The following SPAST variants were observed in gnomAD, a reference collection of about 807,000 sequenced individuals.
SPAST encodes spastic paraplegia 4 (autosomal dominant; spastin).
Under a neutral mutation model 76.6 loss-of-function variants are expected in SPAST, and 30 were observed. The observed-to-expected ratio is 0.39, with a 90% CI of 0.29 to 0.53. SPAST has a LOEUF of 0.53. Among genes scored for constraint, SPAST ranks in the 20% least tolerant of loss-of-function variants. The pLI, the probability that SPAST is intolerant of heterozygous loss-of-function variation, is 0.68. For synonymous variants in SPAST, 305 were observed against 281.0 expected, an observed-to-expected ratio of 1.09 and a Z score of -0.86; for missense variants, 717 against 770.5, an observed-to-expected ratio of 0.93 and a Z score of 0.82.
intron 3 of SPAST, among the ~76,000 whole-genome samples, chr2:32,089,885 T>C (rs1677642875): frequency 6.6e-6 from 1 of 152,036 alleles, no homozygotes; most frequent in Non-Finnish European, 1.5e-5. Context: ...TGCCTCAGCC[T>C]CCTGAGTAGC....
chr2:32,110,912 C>A (rs111206657), intron 4 of SPAST, among the ~76,000 whole-genome samples: 3,740 of 48,422 alleles, frequency 0.077, 61 homozygotes, highest in East Asian at 0.15. Context: ...TATACTATAT[C>A]GTGTGTATAG....
At chr2:32,134,859 C>T (rs945168873) in intron 9 of SPAST, among the ~76,000 whole-genome samples, 11 of 151,802 alleles carry the variant, frequency 7.2e-5, no homozygotes, top group African/African-American at 2.4e-4. Flanking sequence ...CCACGCCCGG[C>T]TAATTTTTGT....
chr2:32,107,354 C>A (rs948637615), intron 4 of SPAST, among the ~76,000 whole-genome samples: 2 of 152,048 alleles, frequency 1.3e-5, no homozygotes, highest in Non-Finnish European at 2.9e-5. Context: ...TGGGTTCAAG[C>A]GATTCTCCCA....
intron 12 of SPAST, among the ~76,000 whole-genome samples, chr2:32,138,745 T>G (rs1193112923): frequency 2.0e-5 from 3 of 152,204 alleles, no homozygotes; most frequent in Non-Finnish European, 4.4e-5. Context: ...GAGGCTGATG[T>G]CAAGAAGTGT....
intron 12 of SPAST, among the ~76,000 whole-genome samples, chr2:32,138,420 AT>A (rs1679613167): frequency 1.3e-5 from 2 of 151,828 alleles, no homozygotes; most frequent in African/African-American, 4.8e-5. Flanking sequence ...TTTGATTTGC[AT>A]TTTTCTGATG....
At chr2:32,106,540 A>T (rs1362811185) in intron 4 of SPAST, among the ~76,000 whole-genome samples, 2 of 152,134 alleles carry the variant, frequency 1.3e-5, no homozygotes, top group Admixed American at 1.3e-4. Flanking sequence ...TGTCGCTCAC[A>T]CTGGGAGCTG....
At chr2:32,065,195 T>G (rs1312719814) in intron 1 of SPAST, among the ~76,000 whole-genome samples, 1 of 152,082 alleles carries the variant, frequency 6.6e-6, no homozygotes, top group East Asian at 1.9e-4. Flanking sequence ...AATTTTTGTA[T>G]TTTTAGTAGA....
At chr2:32,076,075 AT>A (rs962019868) in intron 1 of SPAST, among the ~76,000 whole-genome samples, 4 of 149,058 alleles carry the variant, frequency 2.7e-5, no homozygotes, top group African/African-American at 5.0e-5. Context: ...TAATTTTTGT[AT>A]TTTTAATAGA....
intron 7 of SPAST, among the ~76,000 whole-genome samples, chr2:32,116,979 G>A (rs1678858173): frequency 6.6e-6 from 1 of 150,418 alleles, no homozygotes; most frequent in South Asian, 2.1e-4. Context: ...AAACAAAACA[G>A]GCCGGGTACG....
chr2:32,063,759 G>A lies in SPAST; in HGVS notation c.-73G>A. ...GTCTGTGGCCCCCGCCGTAGCAGTG[G>A]CTGCCGCCGTCGCTTGGTTCCCGTC... On this transcript the variant is annotated 5_prime_UTR_variant, in exon 1 of 17. Transcript: ENST00000315285. 1 of 1,523,044 alleles carries A rather than the reference G, an allele frequency of 6.6e-7. No homozygotes were observed. Among genetic ancestry groups the A allele is most frequent in the Non-Finnish European group, 8.8e-7 (1 of 1,140,480 alleles). 94.3% of individuals were successfully genotyped at this position (1,523,044 alleles called of 1,614,324 possible). A position where few individuals can be genotyped will look rare whatever the true frequency, so the allele number is the denominator to read the frequency against.
In SPAST at chr2:32,116,224, A is replaced by G. The variant is rs771074880; in HGVS notation, c.1098+12A>G. 1.3e-6 allele frequency: 2 copies of G among 1,558,662 alleles called. No homozygotes were observed. The highest frequency in any genetic ancestry group is 8.9e-7 in the Non-Finnish European group (1 of 1,129,852). The stretch of plus-strand genomic sequence containing the variant: ...CTCTGAGGCCTGAGGTAAGAACTTT[A>G]TATTATCATTTTTCTATAATACCAT... On this transcript the variant is annotated intron_variant, in intron 7 of 16. Coordinates refer to ENST00000315285, the MANE Select transcript of SPAST (RefSeq NM_014946.4).
chr2:32,072,433 A>T (rs1192288291), intron 1 of SPAST, among the ~76,000 whole-genome samples: 3 of 152,108 alleles, frequency 2.0e-5, no homozygotes, highest in African/African-American at 7.2e-5. Flanking sequence ...TTGCTACAAA[A>T]CATCTTAATA....
Position 32,136,077 on chromosome 2 carries a change from C to CA in SPAST, c.1246-475dup, listed in dbSNP as rs984498838. Among the ~76,000 whole-genome samples the CA allele has an allele frequency of 8.4e-4, 75 of 88,816 alleles. 1 individual carries two copies. Among genetic ancestry groups the CA allele is most frequent in the African/African-American group, 1.5e-3 (35 of 23,286 alleles). The allele number at this position is 88,816 out of a possible 152,430, so 58.3% of individuals were successfully genotyped here. A position where few individuals can be genotyped will look rare whatever the true frequency, so the allele number is the denominator to read the frequency against. On this transcript the variant is annotated intron_variant, in intron 9 of 16. Coordinates refer to ENST00000315285, the MANE Select transcript of SPAST (RefSeq NM_014946.4). Reference sequence around the variant, plus strand: ...TGGGCTATAGAGCAAAACTCTGTCTCAAAAAAAAAAAGGAAAAAAAAAAAA... The same window carrying CA: ...TGGGCTATAGAGCAAAACTCTGTCTCAAAAAAAAAAAAGGAAAAAAAAAAAA...
At chr2:32,120,911 T>C (rs1440678938) in intron 7 of SPAST, among the ~76,000 whole-genome samples, 1 of 152,172 alleles carries the variant, frequency 6.6e-6, no homozygotes, top group Non-Finnish European at 1.5e-5. Context: ...GATGTCAAGA[T>C]TTAAGTTGGA....
chr2:32,114,192 C>T (rs561760632), intron 4 of SPAST, among the ~76,000 whole-genome samples: 3 of 152,222 alleles, frequency 2.0e-5, no homozygotes, highest in African/African-American at 7.2e-5. Context: ...ATTGCCTGAG[C>T]CCAGGAGTTC....
intron 9 of SPAST, among the ~76,000 whole-genome samples, chr2:32,132,864 T>C (rs985169938): frequency 6.6e-6 from 1 of 152,012 alleles, no homozygotes; most frequent in African/African-American, 2.4e-5. Flanking sequence ...TACTAAATAC[T>C]AAATACTAAA....
At chr2:32,067,717 C>T (rs929823243) in intron 1 of SPAST, among the ~76,000 whole-genome samples, 1 of 149,370 alleles carries the variant, frequency 6.7e-6, no homozygotes, top group African/African-American at 2.5e-5. Context: ...GATCATAGCT[C>T]ACTGCAGCCT....
chr2:32,096,832 T>A (rs1445467136), intron 3 of SPAST, among the ~76,000 whole-genome samples: 1 of 152,052 alleles, frequency 6.6e-6, no homozygotes, highest in Non-Finnish European at 1.5e-5. Context: ...AGCATGGTCA[T>A]TTAAAGAGTT....
chr2:32,070,874 G>A (rs1676722386), intron 1 of SPAST, among the ~76,000 whole-genome samples: 2 of 152,140 alleles, frequency 1.3e-5, no homozygotes, highest in East Asian at 1.9e-4. Context: ...GAACTTTCTT[G>A]GAAGACTGAA....
Sources: allele counts gnomAD v4.1 joint callset (sites outside exome capture counted in the v4.1 genomes callset), GRCh38; gene constraint gnomAD v4.1.1; transcripts MANE v1.5; gene names NCBI Gene and HGNC (gene_info 2026-07-23, HGNC 2026-07-21).